Variants in CCSER1 observed in about 807,000 individuals in gnomAD.
The protein encoded by CCSER1 is coiled-coil serine rich protein 1.
Under a neutral mutation model 82.0 loss-of-function variants are expected in CCSER1, and 41 were observed. That is an observed-to-expected ratio of 0.50 (90% confidence interval 0.39 to 0.65). The LOEUF (loss-of-function observed/expected upper bound fraction) is 0.65, where lower values mean the gene tolerates loss of function less well. CCSER1 is among the 30% of genes least tolerant of loss of function. CCSER1 has a pLI of 0.00. For synonymous variants in CCSER1, 414 were observed against 383.9 expected, an observed-to-expected ratio of 1.08 and a Z score of -0.92; for missense variants, 1,119 against 1,064.2, an observed-to-expected ratio of 1.05 and a Z score of -0.72.
intron 5 of CCSER1, among the ~76,000 whole-genome samples, chr4:90,547,372 A>G (rs2153638793): frequency 6.6e-6 from 1 of 152,132 alleles, no homozygotes; most frequent in South Asian, 2.1e-4. Context: ...CAAAGTGTCT[A>G]TTTCTTCACA....
intron 3 of CCSER1, among the ~76,000 whole-genome samples, chr4:90,340,344 G>A (rs1055264645): frequency 3.3e-5 from 5 of 152,052 alleles, no homozygotes; most frequent in East Asian, 3.9e-4. Context: ...AAAAGCAAGC[G>A]GAGTTTGACT....
intron 8 of CCSER1, among the ~76,000 whole-genome samples, chr4:90,829,741 A>C (rs915781898): frequency 1.3e-5 from 2 of 152,212 alleles, no homozygotes; most frequent in Non-Finnish European, 2.9e-5. Context: ...AGTAGATGAC[A>C]GCAAAAAAAG....
At chr4:90,504,466 A>G (rs1242805296) in intron 5 of CCSER1, among the ~76,000 whole-genome samples, 1 of 152,210 alleles carries the variant, frequency 6.6e-6, no homozygotes, top group African/African-American at 2.4e-5. Context: ...GCTGGATCCA[A>G]ATTCTCTCTC....
chr4:90,997,550 G>A (rs1361999175), intron 9 of CCSER1, among the ~76,000 whole-genome samples: 1 of 152,178 alleles, frequency 6.6e-6, no homozygotes, highest in Admixed American at 6.5e-5. Context: ...GATAGGAGCA[G>A]AGAAGGGTGG....
At chr4:90,582,504 A>G (rs1781517961) in intron 5 of CCSER1, among the ~76,000 whole-genome samples, 1 of 152,224 alleles carries the variant, frequency 6.6e-6, no homozygotes, top group African/African-American at 2.4e-5. Flanking sequence ...AAATTAAATA[A>G]TGACTATAAA....
intron 10 of CCSER1, among the ~76,000 whole-genome samples, chr4:91,393,960 T>C (rs1751815909): frequency 6.6e-6 from 1 of 152,134 alleles, no homozygotes; most frequent in Non-Finnish European, 1.5e-5. Flanking sequence ...TTTCTTTCTA[T>C]ACATTTACAA....
At chr4:90,767,317 C>A (rs1400326097) in intron 7 of CCSER1, among the ~76,000 whole-genome samples, 1 of 148,180 alleles carries the variant, frequency 6.7e-6, no homozygotes, top group African/African-American at 2.4e-5. Context: ...TTTTTTTTTT[C>A]ATGAAAGGCA....
intron 10 of CCSER1, among the ~76,000 whole-genome samples, chr4:91,579,271 T>C (rs961983540): frequency 2.6e-5 from 4 of 151,518 alleles, no homozygotes; most frequent in Admixed American, 6.6e-5. Flanking sequence ...TACATGTGCA[T>C]GTTTGTTGTA....
intron 8 of CCSER1, among the ~76,000 whole-genome samples, chr4:90,906,912 AT>A (rs1561339773): frequency 6.6e-6 from 1 of 152,124 alleles, no homozygotes; most frequent in Non-Finnish European, 1.5e-5. Context: ...CTCCAAATTC[AT>A]TGTGTGTGTG....
intron 6 of CCSER1, among the ~76,000 whole-genome samples, chr4:90,670,541 G>A (rs921437961): frequency 6.6e-6 from 1 of 152,042 alleles, no homozygotes; most frequent in East Asian, 1.9e-4. Context: ...TTAGCAATCT[G>A]TTAGGGGAAA....
chr4:91,493,421 G>T (rs911522199), intron 10 of CCSER1, among the ~76,000 whole-genome samples: 6 of 145,476 alleles, frequency 4.1e-5, no homozygotes, highest in Non-Finnish European at 7.6e-5. Context: ...ATTTCTACAT[G>T]TTCAAGTTTC....
intron 10 of CCSER1, among the ~76,000 whole-genome samples, chr4:91,570,481 T>C (rs576798193): frequency 2.9e-4 from 44 of 152,332 alleles, no homozygotes; most frequent in African/African-American, 9.6e-4. Context: ...TCTTTTGAAA[T>C]CTAGGTGGAG....
intron 10 of CCSER1, among the ~76,000 whole-genome samples, chr4:91,125,224 ATGT>A (rs1206889206): frequency 4.6e-5 from 7 of 151,808 alleles, no homozygotes; most frequent in East Asian, 1.9e-4. Context: ...AGCATGACAC[ATGT>A]TGTGTGATAA....
intron 10 of CCSER1, among the ~76,000 whole-genome samples, chr4:91,234,015 A>C (rs2149120339): frequency 6.6e-6 from 1 of 152,090 alleles, no homozygotes; most frequent in Admixed American, 6.6e-5. Context: ...ATGTTTTCTC[A>C]CTTATGTTAC....
intron 9 of CCSER1, among the ~76,000 whole-genome samples, chr4:90,995,381 T>C (rs1474887790): frequency 2.0e-5 from 3 of 152,130 alleles, no homozygotes; most frequent in Admixed American, 2.0e-4. Flanking sequence ...CCCTTAGATA[T>C]GTATGCAGTT....
chr4:90,162,939 T>C (rs1477863616), intron 1 of CCSER1, among the ~76,000 whole-genome samples: 1 of 152,220 alleles, frequency 6.6e-6, no homozygotes, highest in African/African-American at 2.4e-5. Flanking sequence ...ATAAAACAAT[T>C]TGTGTCTTTG....
At chr4:91,034,013 T>C (rs1450804829) in intron 9 of CCSER1, among the ~76,000 whole-genome samples, 1 of 152,186 alleles carries the variant, frequency 6.6e-6, no homozygotes, top group African/African-American at 2.4e-5. Flanking sequence ...CCCTTTGGAA[T>C]TGGTTTTAAA....
intron 8 of CCSER1, among the ~76,000 whole-genome samples, chr4:90,862,419 T>A (rs1442646025): frequency 6.6e-6 from 1 of 151,920 alleles, no homozygotes; most frequent in African/African-American, 2.4e-5. Flanking sequence ...AATAAATCAT[T>A]ATTCAACATT....
intron 10 of CCSER1, among the ~76,000 whole-genome samples, chr4:91,289,403 G>A (rs1296824870): frequency 6.6e-6 from 1 of 152,008 alleles, no homozygotes. Context: ...TGAAGATATT[G>A]GAACTATTAA....
Sources: allele counts gnomAD v4.1 joint callset (sites outside exome capture counted in the v4.1 genomes callset), GRCh38; gene constraint gnomAD v4.1.1; transcripts MANE v1.5; gene names NCBI Gene and HGNC (gene_info 2026-07-23, HGNC 2026-07-21).